The following SCN8A variants were observed in gnomAD, a reference collection of about 807,000 sequenced individuals.
SCN8A encodes the protein sodium channel protein type 8 subunit alpha.
SCN8A carries 30 observed loss-of-function variants against 184.1 expected under a neutral mutation model. The observed-to-expected ratio is 0.16, with a 90% CI of 0.12 to 0.22. The LOEUF is 0.22. Among genes scored for constraint, SCN8A ranks in the 10% least tolerant of loss-of-function variants. SCN8A has a pLI of 1.00. For missense variants in SCN8A, 1,057 were observed against 2,498.9 expected (o/e 0.42, Z 12.30); for synonymous variants, 852 against 907.0 (o/e 0.94, Z 1.09).
At chr12:51,780,865 AC>A in intron 21 of SCN8A, 94 bp downstream of exon 21, 1 of 1,329,480 alleles carries the variant, frequency 7.5e-7, no homozygotes, top group Non-Finnish European at 9.6e-7. Context: ...TCATTCAAAC[AC>A]GAATTCTGTG....
intron 5 of SCN8A, among the ~76,000 whole-genome samples, chr12:51,687,994 T>C (rs544891507): frequency 8.5e-5 from 13 of 152,212 alleles, no homozygotes; most frequent in Non-Finnish European, 1.6e-4. Flanking sequence ...TCTGAGCATC[T>C]GGTGGAAAGA....
rs772303065 is a variant in SCN8A, at chr12:51,812,737, T to C, written c.*5308T>C. On this transcript the variant is annotated 3_prime_UTR_variant, in exon 27 of 27. Transcript: ENST00000627620. The stretch of plus-strand genomic sequence containing the variant: ...GTTTATGCGGAAATGGCAGAAATGC[T>C]TGAGAAATGAGAATGTGTAAGTGGA... The C allele has an allele frequency of 2.6e-5, 4 of 152,264 alleles. No homozygotes were observed. Among genetic ancestry groups the C allele is most frequent in the Non-Finnish European group, 4.4e-5 (3 of 68,046 alleles). The allele number at this position is 152,264 out of a possible 1,614,324, so 9.4% of individuals were successfully genotyped here. A position where few individuals can be genotyped will look rare whatever the true frequency, so the allele number is the denominator to read the frequency against.
At chr12:51,605,508 G>C (rs1245406173) in intron 1 of SCN8A, among the ~76,000 whole-genome samples, 2 of 152,130 alleles carry the variant, frequency 1.3e-5, no homozygotes, top group African/African-American at 4.8e-5. Context: ...TGGGCATTTG[G>C]GTTAGTTCCA....
At position 51,759,281 on chromosome 12, in the gene SCN8A, A is replaced by G. The variant is rs568708212; in HGVS notation, c.2371-3222A>G. Among the ~76,000 whole-genome samples the G allele has an allele frequency of 8.5e-5, 13 of 152,074 alleles. 1 individual carries two copies. Among genetic ancestry groups the G allele is most frequent in the African/African-American group, 3.1e-4 (13 of 41,490 alleles). On this transcript the variant is annotated intron_variant, in intron 14 of 26. Transcript: ENST00000627620. ...CTAGGTTTGTGTAAGTACACTCTTT[A>G]ATGTTTACACAATGACTAAATTGCC...
intron 1 of SCN8A, among the ~76,000 whole-genome samples, chr12:51,608,021 C>CTTTTTTTTTTT (rs749172465): frequency 6.2e-4 from 83 of 133,442 alleles, no homozygotes; most frequent in Non-Finnish European, 1.2e-3. Flanking sequence ...TTTCTTTTTC[C>CTTTTTTTTTTT]TTTTTTTTTT....
chr12:51,622,773 T>C (rs879532284), intron 1 of SCN8A, among the ~76,000 whole-genome samples: 4 of 152,188 alleles, frequency 2.6e-5, no homozygotes, highest in Non-Finnish European at 5.9e-5. Flanking sequence ...CAGCCCACGC[T>C]TGGGGGAGGA....
chr12:51,736,278 A>C (rs1942324588), intron 12 of SCN8A, among the ~76,000 whole-genome samples: 1 of 152,210 alleles, frequency 6.6e-6, no homozygotes, highest in South Asian at 2.1e-4. Context: ...GCAAAAGGTG[A>C]CATTTAACAC....
At chr12:51,620,393 T>C (rs893366692) in intron 1 of SCN8A, among the ~76,000 whole-genome samples, 4 of 152,196 alleles carry the variant, frequency 2.6e-5, no homozygotes, top group Admixed American at 2.0e-4. Flanking sequence ...GAATAATGTG[T>C]TCTTTATATG....
At chr12:51,700,786 G>A (rs796361179) in intron 7 of SCN8A, among the ~76,000 whole-genome samples, 38 of 152,154 alleles carry the variant, frequency 2.5e-4, no homozygotes, top group African/African-American at 8.2e-4. Flanking sequence ...ATAAAGACAC[G>A]TTGTAAGGAT....
chr12:51,803,093 G>GTCTTCA (rs1938600902), intron 26 of SCN8A, among the ~76,000 whole-genome samples: 1 of 152,200 alleles, frequency 6.6e-6, no homozygotes, highest in African/African-American at 2.4e-5. Flanking sequence ...AAGCTGAGGA[G>GTCTTCA]CAAGGAAGCC....
Position 51,811,504 on chromosome 12 carries a change from C to T in SCN8A, c.*4075C>T, listed in dbSNP as rs2138953770. ...CTATCCCTGTGCCCCAAAGCTAGGG[C>T]ATGTGCGATGCCCAACAGCCTCCAC... On this transcript the variant is annotated 3_prime_UTR_variant, in exon 27 of 27. Coordinates refer to ENST00000627620, the MANE Select transcript of SCN8A (RefSeq NM_001330260.2). The T allele has an allele frequency of 6.6e-6, 1 of 152,544 alleles. No individual in the cohort carries two copies. The highest frequency in any genetic ancestry group is 2.1e-4 in the South Asian group (1 of 4,828). The allele number at this position is 152,544 out of a possible 1,614,324, so 9.4% of individuals were successfully genotyped here.
At chr12:51,773,210 G>A (rs1052511617) in intron 19 of SCN8A, among the ~76,000 whole-genome samples, 19 of 151,920 alleles carry the variant, frequency 1.3e-4, no homozygotes, top group African/African-American at 3.6e-4. Flanking sequence ...CTATTCTTCT[G>A]GAGCTGTTCA....
rs1428314992 is a variant in SCN8A at position 51,689,105 on chromosome 12, A to T, written c.706+9A>T. ...TATCTCTGTAATTCCAGGTGAGAAA[A>T]TTTGTACATAAGACTGACTTTGCCA... On this transcript the variant is annotated intron_variant, in intron 6 of 26. Coordinates refer to ENST00000627620, the MANE Select transcript of SCN8A (RefSeq NM_001330260.2). 17 of 1,592,634 alleles carry T rather than the reference A, an allele frequency of 1.1e-5. No homozygotes were observed. The highest frequency in any genetic ancestry group is 1.5e-5 in the Non-Finnish European group (17 of 1,166,470).
intron 1 of SCN8A, among the ~76,000 whole-genome samples, chr12:51,636,839 A>G (rs1016022064): frequency 6.6e-6 from 1 of 152,262 alleles, no homozygotes; most frequent in Admixed American, 6.5e-5. Flanking sequence ...TAACCAAGTA[A>G]GCAAAATGAA....
At chr12:51,782,752 A>G (rs1937962222) in intron 21 of SCN8A, among the ~76,000 whole-genome samples, 1 of 152,206 alleles carries the variant, frequency 6.6e-6, no homozygotes, top group Non-Finnish European at 1.5e-5. Context: ...CAGTTATTTG[A>G]ATAACCTGGA....
chr12:51,744,318 C>G (rs960401115), intron 12 of SCN8A, among the ~76,000 whole-genome samples: 2 of 152,144 alleles, frequency 1.3e-5, no homozygotes, highest in Non-Finnish European at 2.9e-5. Context: ...AACAAAAAAC[C>G]TTAGAGATTT....
At chr12:51,620,866 G>A (rs903472482) in intron 1 of SCN8A, among the ~76,000 whole-genome samples, 11 of 151,714 alleles carry the variant, frequency 7.3e-5, no homozygotes, top group Non-Finnish European at 1.5e-4. Context: ...ACACGCCTGT[G>A]GTCCCAGCTA....
chr12:51,701,362 T>C (rs1443641783), intron 8 of SCN8A, among the ~76,000 whole-genome samples, 155 bp downstream of exon 8: 1 of 152,250 alleles, frequency 6.6e-6, no homozygotes, highest in East Asian at 1.9e-4. Context: ...TTTCTTTGTT[T>C]CACATTTGTC....
chr12:51,705,035 G>A (rs1159083822), intron 9 of SCN8A, among the ~76,000 whole-genome samples: 1 of 152,114 alleles, frequency 6.6e-6, no homozygotes, highest in Non-Finnish European at 1.5e-5. Flanking sequence ...TGATTTCAGA[G>A]ACATAATTTG....
Sources: gnomAD v4.1 joint callset for allele counts (sites outside exome capture counted in the v4.1 genomes callset) on GRCh38, gnomAD v4.1.1 for gene constraint, MANE v1.5 for transcripts, NCBI Gene and HGNC (gene_info 2026-07-23, HGNC 2026-07-21) for gene names.